The following KIAA1958 variants were observed in gnomAD, a reference collection of about 807,000 sequenced individuals.
KIAA1958 encodes KIAA1958, also known as uncharacterized protein KIAA1958.
Under a neutral mutation model 47.2 loss-of-function variants are expected in KIAA1958, and 14 were observed. That is an observed-to-expected ratio of 0.30 (90% CI 0.20 to 0.46). The LOEUF (loss-of-function observed/expected upper bound fraction) is 0.46, where lower values mean the gene tolerates loss of function less well. Among genes scored for constraint, KIAA1958 ranks in the 20% least tolerant of loss-of-function variants. KIAA1958 has a pLI of 1.00. For missense variants in KIAA1958, 803 were observed against 909.2 expected (o/e 0.88, Z 1.50); for synonymous variants, 354 against 353.3 (o/e 1.00, Z -0.02).
chr9:112,584,313 A>G (rs778202833), intron 2 of KIAA1958, among the ~76,000 whole-genome samples: 1 of 152,244 alleles, frequency 6.6e-6, no homozygotes, highest in Non-Finnish European at 1.5e-5. Flanking sequence ...GTTGAGCTAT[A>G]CAAAGCCCTC....
At chr9:112,576,779 A>G (rs1004631072) in intron 2 of KIAA1958, among the ~76,000 whole-genome samples, 1 of 152,138 alleles carries the variant, frequency 6.6e-6, no homozygotes, top group Admixed American at 6.5e-5. Flanking sequence ...TATTTTGGCT[A>G]TTATGAATAC....
chr9:112,642,361 T>G (rs11792549), intron 2 of KIAA1958, among the ~76,000 whole-genome samples: 10,430 of 152,316 alleles, frequency 0.068, 449 homozygotes, highest in Non-Finnish European at 0.095. Context: ...GATGGCAGCG[T>G]TCAGGGATTT....
chr9:112,499,688 CTTTTTTTTTTTTT>C (rs917810043), intron 1 of KIAA1958, among the ~76,000 whole-genome samples: 1 of 130,504 alleles, frequency 7.7e-6, no homozygotes, highest in Admixed American at 7.6e-5. Context: ...ACATTTTTTT[CTTTTTTTTTTTTT>C]TTTTTGAGAC....
intron 2 of KIAA1958, among the ~76,000 whole-genome samples, chr9:112,632,333 A>AAT (rs137953550): frequency 0.037 from 5,611 of 149,734 alleles, 123 homozygotes; most frequent in Middle Eastern, 0.065. Context: ...ACCACATGTA[A>AAT]ATATATATAT....
intron 2 of KIAA1958, among the ~76,000 whole-genome samples, chr9:112,623,566 A>G (rs1002720751): frequency 4.6e-5 from 7 of 152,352 alleles, no homozygotes; most frequent in African/African-American, 9.6e-5. Flanking sequence ...ATTGAGATCA[A>G]TGTTAGCACA....
intron 1 of KIAA1958, among the ~76,000 whole-genome samples, chr9:112,488,215 T>C (rs963073362): frequency 6.6e-6 from 1 of 152,188 alleles, no homozygotes; most frequent in African/African-American, 2.4e-5. Flanking sequence ...ATGTCAGAAT[T>C]GAGTTTCCCC....
intron 3 of KIAA1958, among the ~76,000 whole-genome samples, chr9:112,659,019 C>CAAAAAAAAAAA (rs560013892): frequency 3.5e-5 from 2 of 57,752 alleles, no homozygotes; most frequent in South Asian, 8.2e-4. Context: ...GACTCTGACT[C>CAAAAAAAAAAA]AAAAAAAAAA....
At chr9:112,587,899 T>C (rs188773897) in intron 2 of KIAA1958, among the ~76,000 whole-genome samples, 1 of 152,350 alleles carries the variant, frequency 6.6e-6, no homozygotes, top group Non-Finnish European at 1.5e-5. Context: ...AAAATATCCA[T>C]AGACTCTGCT....
chr9:112,610,419 G>A (rs943945345), intron 2 of KIAA1958, among the ~76,000 whole-genome samples: 3 of 151,762 alleles, frequency 2.0e-5, no homozygotes, highest in East Asian at 1.9e-4. Context: ...TTCAAAACAC[G>A]AATAAAGTAA....
intron 1 of KIAA1958, among the ~76,000 whole-genome samples, chr9:112,563,185 C>T (rs141355001): frequency 6.6e-6 from 1 of 151,792 alleles, no homozygotes; most frequent in East Asian, 1.9e-4. Context: ...CCACCTTGGC[C>T]TCCCAAAGTA....
In KIAA1958 at chr9:112,506,783, A is replaced by T. The variant is rs573468921; in HGVS notation, c.-25+19665A>T. Among the ~76,000 whole-genome samples the T allele has an allele frequency of 9.5e-4, 145 of 152,070 alleles. 1 individual carries two copies. The highest frequency in any genetic ancestry group is 3.5e-3 in the African/African-American group (145 of 41,464). ...GTTTCTGCCACACTAGCTTTATTAG[A>T]AAGTTTTTGCCTTTTTTTGCCGGAT... On this transcript the variant is annotated intron_variant, in intron 1 of 3. Transcript: ENST00000337530.
At chr9:112,529,627 A>G (rs1431268901) in intron 1 of KIAA1958, among the ~76,000 whole-genome samples, 1 of 152,320 alleles carries the variant, frequency 6.6e-6, no homozygotes, top group East Asian at 1.9e-4. Flanking sequence ...ATGTGTTCTT[A>G]GGATTAAGGC....
At chr9:112,652,163 G>C (rs1283812876) in intron 3 of KIAA1958, among the ~76,000 whole-genome samples, 2 of 152,132 alleles carry the variant, frequency 1.3e-5, no homozygotes, top group Non-Finnish European at 2.9e-5. Context: ...ACCGTGCCCA[G>C]CCCAGTTTTT....
intron 1 of KIAA1958, among the ~76,000 whole-genome samples, chr9:112,529,186 T>C (rs1254482327): frequency 1.3e-5 from 2 of 152,210 alleles, no homozygotes; most frequent in Non-Finnish European, 2.9e-5. Flanking sequence ...TATCTACATG[T>C]CTATTTTAAT....
At chr9:112,525,783 G>A (rs1318346936) in intron 1 of KIAA1958, among the ~76,000 whole-genome samples, 3 of 151,164 alleles carry the variant, frequency 2.0e-5, no homozygotes, top group Non-Finnish European at 4.4e-5. Context: ...TTATTACATT[G>A]CATAACCAAA....
At chr9:112,577,988 A>G (rs1015771141) in intron 2 of KIAA1958, among the ~76,000 whole-genome samples, 4 of 152,118 alleles carry the variant, frequency 2.6e-5, no homozygotes, top group South Asian at 2.1e-4. Context: ...GAAAAACACT[A>G]TGAAGACTGG....
At chr9:112,488,302 G>A (rs1175188435) in intron 1 of KIAA1958, among the ~76,000 whole-genome samples, 1 of 152,108 alleles carries the variant, frequency 6.6e-6, no homozygotes. Context: ...TGGATACAGT[G>A]TTTTGAAAAA....
At position 112,488,981 on chromosome 9, in the gene KIAA1958, G is replaced by T. The variant is rs372910649; in HGVS notation, c.-25+1863G>T. ...GTGATCAAGCCAATCCTTTTTAGTT[G>T]ATAAAATTTTACTAGTTTCTGCTTT... On this transcript the variant is annotated intron_variant, in intron 1 of 3. Coordinates refer to ENST00000337530, the MANE Select transcript of KIAA1958 (RefSeq NM_133465.4). Among the ~76,000 whole-genome samples the T allele has an allele frequency of 2.9e-3, 448 of 152,270 alleles. 4 individuals carry two copies. The highest frequency in any genetic ancestry group is 0.014 in the Middle Eastern group (4 of 294).
intron 1 of KIAA1958, among the ~76,000 whole-genome samples, chr9:112,533,596 A>G (rs1361567790): frequency 1.3e-5 from 2 of 151,496 alleles, no homozygotes; most frequent in Non-Finnish European, 2.9e-5. Context: ...AAAAAAAAAA[A>G]AAAAAAAAAG....
Sources: allele counts gnomAD v4.1 joint callset (sites outside exome capture counted in the v4.1 genomes callset), GRCh38; gene constraint gnomAD v4.1.1; transcripts MANE v1.5; gene names NCBI Gene and HGNC (gene_info 2026-07-23, HGNC 2026-07-21).